Variants in KHDRBS2 observed in about 807,000 individuals in gnomAD.
The protein encoded by KHDRBS2 is KH RNA binding domain containing, signal transduction associated 2.
In KHDRBS2, 26 loss-of-function variants were observed where a neutral mutation model predicts 44.3. That is an observed-to-expected ratio of 0.59 (90% CI 0.43 to 0.81). KHDRBS2 has a LOEUF of 0.81. KHDRBS2 is among the 40% of genes least tolerant of loss of function. The probability of loss-of-function intolerance (pLI) is 0.00; values close to 1 mark genes in which losing one functional copy is unlikely to be tolerated. For synonymous variants in KHDRBS2, 194 were observed against 151.1 expected, an observed-to-expected ratio of 1.28 and a Z score of -2.08; for missense variants, 476 against 433.1, an observed-to-expected ratio of 1.10 and a Z score of -0.88.
At chr6:62,146,982 A>G (rs1012268796) in intron 2 of KHDRBS2, among the ~76,000 whole-genome samples, 1 of 151,936 alleles carries the variant, frequency 6.6e-6, no homozygotes, top group Non-Finnish European at 1.5e-5. Context: ...GCCCAAACCC[A>G]TGCCCCCAGC....
chr6:61,610,141 A>G, the KHDRBS2 span, among the ~76,000 whole-genome samples: 1 of 152,064 alleles, frequency 6.6e-6, no homozygotes, highest in African/African-American at 2.4e-5. Context: ...ACGCCACTCC[A>G]CTCCAGCCTG....
chr6:61,805,431 A>T (rs1322274212), intron 6 of KHDRBS2, among the ~76,000 whole-genome samples: 1 of 152,078 alleles, frequency 6.6e-6, no homozygotes, highest in Non-Finnish European at 1.5e-5. Flanking sequence ...GAGACCTACC[A>T]ATGGTTCCAA....
chr6:61,969,971 C>A (rs565175977), intron 4 of KHDRBS2, among the ~76,000 whole-genome samples: 71 of 151,820 alleles, frequency 4.7e-4, no homozygotes, highest in African/African-American at 1.6e-3. Flanking sequence ...TTATAGAAGT[C>A]AAGCCCTAAA....
At chr6:61,547,362 T>G in the KHDRBS2 span, among the ~76,000 whole-genome samples, 1 of 152,026 alleles carries the variant, frequency 6.6e-6, no homozygotes, top group African/African-American at 2.4e-5. Flanking sequence ...TTCTATAATT[T>G]ATTCCATAGT....
chr6:62,103,294 C>T (rs1420926349), intron 2 of KHDRBS2, among the ~76,000 whole-genome samples: 1 of 152,140 alleles, frequency 6.6e-6, no homozygotes, highest in Admixed American at 6.5e-5. Context: ...TCTGCTGGGC[C>T]CCGGTTGTCC....
the KHDRBS2 span, among the ~76,000 whole-genome samples, chr6:61,620,419 G>A: frequency 2.0e-5 from 3 of 152,156 alleles, no homozygotes; most frequent in East Asian, 5.8e-4. Context: ...AGAGTATACA[G>A]TTAGTAATTA....
chr6:61,566,339 A>G, the KHDRBS2 span, among the ~76,000 whole-genome samples: 89,845 of 151,914 alleles, frequency 0.59, 26,772 homozygotes, highest in African/African-American at 0.61. Flanking sequence ...AATAGGAATG[A>G]TTATAGTTAA....
intron 2 of KHDRBS2, among the ~76,000 whole-genome samples, chr6:62,149,575 G>A (rs1373457212): frequency 2.6e-5 from 4 of 152,036 alleles, no homozygotes; most frequent in Non-Finnish European, 4.4e-5. Context: ...TAACCCACTG[G>A]TGTTTGTTGT....
intron 1 of KHDRBS2, among the ~76,000 whole-genome samples, chr6:62,205,082 C>A (rs767235907): frequency 1.3e-5 from 2 of 152,014 alleles, no homozygotes; most frequent in East Asian, 1.9e-4. Context: ...ATTCAGATTG[C>A]CTAAACTTGA....
chr6:62,168,258 A>C (rs1320974668), intron 2 of KHDRBS2, among the ~76,000 whole-genome samples: 1 of 152,180 alleles, frequency 6.6e-6, no homozygotes. Flanking sequence ...ATTGCTTTAA[A>C]AAGTTGGCAG....
chr6:61,731,626 T>C (rs572054005), intron 7 of KHDRBS2, among the ~76,000 whole-genome samples: 26 of 152,194 alleles, frequency 1.7e-4, no homozygotes, highest in Admixed American at 1.7e-3. Flanking sequence ...ATTACTTAAG[T>C]CCTAAAGGAG....
intron 1 of KHDRBS2, among the ~76,000 whole-genome samples, chr6:62,186,978 A>C (rs1823563274): frequency 6.6e-6 from 1 of 152,120 alleles, no homozygotes; most frequent in Non-Finnish European, 1.5e-5. Flanking sequence ...CAACAAAAAA[A>C]AATTCAGGAC....
chr6:61,945,111 A>G (rs1351146586), intron 4 of KHDRBS2, among the ~76,000 whole-genome samples: 4 of 37,776 alleles, frequency 1.1e-4, no homozygotes, highest in Admixed American at 3.9e-4. Flanking sequence ...AAAAAAAAAA[A>G]AGTATATATA....
rs118141598 is a variant in KHDRBS2 at position 61,955,607 on chromosome 6, C to T, written c.483+22459G>A. ...ATGTATGTATACATGTGTGTATATA[C>T]ACGTATGTATGTATGCATACATGTG... On this transcript the variant is annotated intron_variant, in intron 4 of 8. Coordinates refer to ENST00000281156, the MANE Select transcript of KHDRBS2 (RefSeq NM_152688.4). Among the ~76,000 whole-genome samples, 272 of 64,860 alleles carry T rather than the reference C, an allele frequency of 4.2e-3. 88 individuals are homozygous for T. In the East Asian group the frequency reaches 0.16, roughly 37 times the overall value. 42.6% of individuals were successfully genotyped at this position (64,860 alleles called of 152,430 possible). A position where few individuals can be genotyped will look rare whatever the true frequency, so the allele number is the denominator to read the frequency against.
intron 8 of KHDRBS2, among the ~76,000 whole-genome samples, chr6:61,683,940 A>T (rs1766565362): frequency 6.6e-6 from 1 of 151,932 alleles, no homozygotes; most frequent in Admixed American, 6.6e-5. Flanking sequence ...AAGATTCCAT[A>T]CCATTAGCAG....
intron 6 of KHDRBS2, among the ~76,000 whole-genome samples, chr6:61,795,862 T>C (rs1785277178): frequency 6.6e-6 from 1 of 152,108 alleles, no homozygotes; most frequent in Non-Finnish European, 1.5e-5. Context: ...TTTGCTGAAA[T>C]AATAAGAGTT....
chr6:62,068,404 T>A (rs1413510673), intron 2 of KHDRBS2, among the ~76,000 whole-genome samples: 1 of 151,622 alleles, frequency 6.6e-6, no homozygotes, highest in Non-Finnish European at 1.5e-5. Flanking sequence ...ATGTTCTGGC[T>A]ATAAGACCCT....
the KHDRBS2 span, among the ~76,000 whole-genome samples, chr6:61,578,390 T>G: frequency 6.6e-6 from 1 of 152,166 alleles, no homozygotes; most frequent in East Asian, 1.9e-4. Context: ...GTGTCATGAT[T>G]GCATTTGGAA....
At chr6:62,023,458 A>T (rs1782708330) in intron 3 of KHDRBS2, among the ~76,000 whole-genome samples, 2 of 151,608 alleles carry the variant, frequency 1.3e-5, no homozygotes, top group South Asian at 4.1e-4. Flanking sequence ...TTTTCATACT[A>T]AATTAACATT....
Sources: allele counts gnomAD v4.1 joint callset (sites outside exome capture counted in the v4.1 genomes callset), GRCh38; gene constraint gnomAD v4.1.1; transcripts MANE v1.5; gene names NCBI Gene and HGNC (gene_info 2026-07-23, HGNC 2026-07-21).